ADAM22: variants seen among roughly 807,000 people sequenced by gnomAD.
ADAM22 encodes ADAM metallopeptidase domain 22, also known as disintegrin and metalloproteinase domain-containing protein 22.
ADAM22 carries 65 observed loss-of-function variants against 144.6 expected under a neutral mutation model. The ratio of observed to expected loss-of-function variants is 0.45; its 90% confidence interval spans 0.37 to 0.55. The LOEUF is 0.55. Ranked by LOEUF, ADAM22 falls within the 20% of genes least tolerant of loss-of-function variation. The pLI is 0.00. For missense variants in ADAM22, 974 were observed against 1,184.9 expected, an observed-to-expected ratio of 0.82 and a Z score of 2.61; for synonymous variants, 391 against 412.6, an observed-to-expected ratio of 0.95 and a Z score of 0.63.
chr7:88,074,749 G>A (rs914745938), intron 3 of ADAM22, among the ~76,000 whole-genome samples: 4 of 152,070 alleles, frequency 2.6e-5, no homozygotes, highest in Admixed American at 6.5e-5. Context: ...TTGTTTGATC[G>A]TTCTGTTTAC....
intron 4 of ADAM22, among the ~76,000 whole-genome samples, chr7:88,088,496 T>A (rs1264676417): frequency 1.8e-5 from 2 of 108,586 alleles, no homozygotes; most frequent in Non-Finnish European, 3.7e-5. Context: ...CCCCAGTGAA[T>A]GTGTCAATGA....
intron 2 of ADAM22, among the ~76,000 whole-genome samples, chr7:87,959,845 C>T (rs537942765): frequency 6.6e-6 from 1 of 152,304 alleles, no homozygotes; most frequent in South Asian, 2.1e-4. Flanking sequence ...GCTTTATTGA[C>T]ATATTCATAT....
At chr7:87,980,972 G>A (rs1584790906) in intron 3 of ADAM22, among the ~76,000 whole-genome samples, 1 of 151,998 alleles carries the variant, frequency 6.6e-6, no homozygotes, top group African/African-American at 2.4e-5. Context: ...ATATTTTATT[G>A]TGAAACATTC....
intron 2 of ADAM22, among the ~76,000 whole-genome samples, chr7:87,958,352 C>T (rs1847268957): frequency 6.6e-6 from 1 of 151,886 alleles, no homozygotes; most frequent in Admixed American, 6.6e-5. Flanking sequence ...TATCTGGAAC[C>T]ATAAGACTTT....
At position 88,126,383 on chromosome 7, in the gene ADAM22, G is replaced by A. The variant is rs139479448; in HGVS notation, c.678+724G>A. Among the ~76,000 whole-genome samples the A allele has an allele frequency of 5.3e-4, 80 of 151,904 alleles. 1 individual carries two copies. Among genetic ancestry groups the A allele is most frequent in the African/African-American group, 1.8e-3 (76 of 41,466 alleles). On this transcript the variant is annotated intron_variant, in intron 8 of 31. Transcript: ENST00000413139. Reference sequence around the variant, plus strand: ...TGGTTATTAAAAACACAAGATGAAGGGAATAGATCTCTAGTAAGATCAAGA... The same window carrying A: ...TGGTTATTAAAAACACAAGATGAAGAGAATAGATCTCTAGTAAGATCAAGA...
intron 2 of ADAM22, among the ~76,000 whole-genome samples, chr7:87,963,867 A>G (rs1219085444): frequency 6.6e-6 from 1 of 152,216 alleles, no homozygotes; most frequent in Non-Finnish European, 1.5e-5. Flanking sequence ...AATTGTTTCT[A>G]TTAAGAGCTG....
intron 4 of ADAM22, among the ~76,000 whole-genome samples, chr7:88,098,669 A>C (rs547856871): frequency 1.3e-5 from 2 of 152,038 alleles, no homozygotes; most frequent in African/African-American, 4.8e-5. Flanking sequence ...CTCCTTCCTC[A>C]TCACTTTTAT....
chr7:88,037,026 TG>T (rs1801672568), intron 3 of ADAM22, among the ~76,000 whole-genome samples: 1 of 152,186 alleles, frequency 6.6e-6, no homozygotes, highest in South Asian at 2.1e-4. Context: ...GCTACATATT[TG>T]CTGATGTTCC....
chr7:88,196,515 A>G lies in ADAM22; in HGVS notation c.*24A>G, dbSNP rs1850705235. 2 of 1,613,550 alleles carry G rather than the reference A, an allele frequency of 1.2e-6. No individual in the cohort carries two copies. Among genetic ancestry groups the G allele is most frequent in the Non-Finnish European group, 1.7e-6 (2 of 1,179,684 alleles). ...AAGATCAACTGTTTACATGTGATACATCGAAAACTGTTTACTTCAACTTTT... is the reference window on the plus strand; with the variant it reads ...AAGATCAACTGTTTACATGTGATACGTCGAAAACTGTTTACTTCAACTTTT... On this transcript the variant is annotated 3_prime_UTR_variant, in exon 32 of 32. Coordinates refer to ENST00000413139, the MANE Select transcript of ADAM22 (RefSeq NM_001324418.2).
intron 3 of ADAM22, among the ~76,000 whole-genome samples, chr7:88,065,244 T>G (rs957101278): frequency 4.6e-5 from 7 of 152,126 alleles, no homozygotes; most frequent in Admixed American, 1.3e-4. Context: ...GTGTTCTGCT[T>G]TTGTTTTTTA....
rs1415843968 is a variant in ADAM22, at chr7:88,202,640, T to C, written c.*6149T>C. On this transcript the variant is annotated 3_prime_UTR_variant, in exon 32 of 32. Coordinates refer to ENST00000413139, the MANE Select transcript of ADAM22 (RefSeq NM_001324418.2). ...GGGTTATGGCAAACACCAATGGAAA[T>C]GTATATGGCAACTGCTTTCCTGAGC... The C allele has an allele frequency of 1.3e-5, 2 of 152,208 alleles. No individual in the cohort carries two copies. The highest frequency in any genetic ancestry group is 2.9e-5 in the Non-Finnish European group (2 of 68,042). 9.4% of individuals were successfully genotyped at this position (152,208 alleles called of 1,614,324 possible).
Position 88,130,603 on chromosome 7 carries a change from A to G in ADAM22, c.825+144A>G, listed in dbSNP as rs1165938035. The G allele has an allele frequency of 5.8e-6, 4 of 690,580 alleles. No homozygotes were observed. The Admixed American group carries it at 1.3e-4, about 23-fold the overall frequency. 42.8% of individuals were successfully genotyped at this position (690,580 alleles called of 1,614,324 possible). ...CTAGTAAGTTCCGGGTGACCTTGCA[A>G]TAGACTTTATTGACTTTGATGTCTG... On this transcript the variant is annotated intron_variant, in intron 10 of 31. Coordinates refer to ENST00000413139, the MANE Select transcript of ADAM22 (RefSeq NM_001324418.2).
intron 14 of ADAM22, among the ~76,000 whole-genome samples, chr7:88,142,366 A>G (rs1268538793): frequency 1.3e-5 from 2 of 152,300 alleles, no homozygotes; most frequent in Admixed American, 6.5e-5. Flanking sequence ...ACATATTTAT[A>G]TTATAGGTCA....
rs181928684 is a variant in ADAM22 at position 88,196,611 on chromosome 7, T to A, written c.*120T>A. On this transcript the variant is annotated 3_prime_UTR_variant, in exon 32 of 32. Coordinates refer to ENST00000413139, the MANE Select transcript of ADAM22 (RefSeq NM_001324418.2). ...CAGACAATACGAAGACCCTCTGAGA[T>A]GCTACAGAGGAGAGGAAGCGGAGTT... The A allele has an allele frequency of 1.4e-4, 162 of 1,120,904 alleles. No homozygotes were observed. In the African/African-American group the frequency reaches 2.0e-3, roughly 14 times the overall value. The allele number at this position is 1,120,904 out of a possible 1,614,324, so 69.4% of individuals were successfully genotyped here. A position where few individuals can be genotyped will look rare whatever the true frequency, so the allele number is the denominator to read the frequency against.
chr7:88,091,281 T>A (rs1819770450), intron 4 of ADAM22, among the ~76,000 whole-genome samples: 1 of 152,206 alleles, frequency 6.6e-6, no homozygotes, highest in African/African-American at 2.4e-5. Flanking sequence ...TTCTTTTTAG[T>A]TAATGACACT....
chr7:88,030,632 C>T (rs1800015271), intron 3 of ADAM22, among the ~76,000 whole-genome samples: 1 of 152,034 alleles, frequency 6.6e-6, no homozygotes, highest in Admixed American at 6.6e-5. Context: ...CTAGTGCTGT[C>T]TTGTGATAGA....
intron 3 of ADAM22, among the ~76,000 whole-genome samples, chr7:88,051,642 T>C (rs1806442616): frequency 6.6e-6 from 1 of 151,942 alleles, no homozygotes; most frequent in Non-Finnish European, 1.5e-5. Context: ...ATGGCACACG[T>C]ATACATATGT....
In ADAM22 at chr7:88,131,910, A is replaced by G. The variant is rs147139142; in HGVS notation, c.992+475A>G. 7.7e-3 allele frequency: 1,178 copies of G among 153,470 alleles called. 11 individuals carry two copies. Among genetic ancestry groups the G allele is most frequent in the African/African-American group, 0.027 (1,118 of 41,606 alleles). The allele number at this position is 153,470 out of a possible 1,614,324, so 9.5% of individuals were successfully genotyped here. Reference sequence around the variant, plus strand: ...AATTATATATAGTAGAATTTTAAAAATCTATCATCTAAAGTCAGAGCTGTT... The same window carrying G: ...AATTATATATAGTAGAATTTTAAAAGTCTATCATCTAAAGTCAGAGCTGTT... On this transcript the variant is annotated intron_variant, in intron 11 of 31. Coordinates refer to ENST00000413139, the MANE Select transcript of ADAM22 (RefSeq NM_001324418.2).
rs372321205 is a variant in ADAM22, at chr7:88,163,219, T to A, written c.2076+39T>A. 3 of 1,521,100 alleles carry A rather than the reference T, an allele frequency of 2.0e-6. No homozygotes were observed. The African/African-American group carries it at 4.3e-5, about 22-fold the overall frequency. The allele number at this position is 1,521,100 out of a possible 1,614,324, so 94.2% of individuals were successfully genotyped here. A position where few individuals can be genotyped will look rare whatever the true frequency, so the allele number is the denominator to read the frequency against. On this transcript the variant is annotated intron_variant, in intron 23 of 31. Transcript: ENST00000413139. The stretch of plus-strand genomic sequence containing the variant: ...ACCTTGTCAGAATCTATTTCTTTTA[T>A]ATCACAGAAATAGACAGGACCCTAA...
Sources: allele counts gnomAD v4.1 joint callset (sites outside exome capture counted in the v4.1 genomes callset), GRCh38; gene constraint gnomAD v4.1.1; transcripts MANE v1.5; gene names NCBI Gene and HGNC (gene_info 2026-07-23, HGNC 2026-07-21).